SNTG1: variants seen among roughly 807,000 people sequenced by gnomAD.
The protein encoded by SNTG1 is syntrophin gamma 1.
A neutral mutation model predicts 74.7 loss-of-function variants in SNTG1; 39 were observed. The observed-to-expected ratio is 0.52, with a 90% confidence interval of 0.40 to 0.68. The LOEUF (loss-of-function observed/expected upper bound fraction) is 0.68. Among genes scored for constraint, SNTG1 ranks in the 30% least tolerant of loss-of-function variants. SNTG1 has a pLI of 0.00. For synonymous variants in SNTG1, 254 were observed against 217.1 expected, an observed-to-expected ratio of 1.17 and a Z score of -1.49; for missense variants, 685 against 609.5, an observed-to-expected ratio of 1.12 and a Z score of -1.30.
intron 3 of SNTG1, among the ~76,000 whole-genome samples, chr8:50,395,506 G>GGGTTT (rs58030144): frequency 6.6e-5 from 9 of 135,656 alleles, no homozygotes; most frequent in African/African-American, 2.2e-4. Flanking sequence ...TCTAATTTCT[G>GGGTTT]TTTTTTTTTT....
At chr8:50,394,408 T>C (rs1192254749) in intron 3 of SNTG1, 143 bp downstream of exon 3, 1 of 737,510 alleles carries the variant, frequency 1.4e-6, no homozygotes, top group African/African-American at 1.8e-5. Context: ...CAGATTACGT[T>C]CTCCTTCTGC....
At chr8:50,088,091 TC>T (rs1272386425) in intron 1 of SNTG1, among the ~76,000 whole-genome samples, 11 of 150,670 alleles carry the variant, frequency 7.3e-5, no homozygotes, top group African/African-American at 2.2e-4. Context: ...TTCATCCATG[TC>T]CCTACAAAGG....
chr8:50,577,046 A>G (rs961295455), intron 12 of SNTG1, among the ~76,000 whole-genome samples: 3 of 152,196 alleles, frequency 2.0e-5, no homozygotes, highest in Non-Finnish European at 4.4e-5. Context: ...ACATAGGAAC[A>G]TATTATCCTT....
chr8:50,526,977 G>A (rs111432879), intron 9 of SNTG1, among the ~76,000 whole-genome samples: 7,277 of 152,188 alleles, frequency 0.048, 308 homozygotes, highest in African/African-American at 0.11. Flanking sequence ...AGGTATGCAA[G>A]CACTGGTTGC....
intron 1 of SNTG1, among the ~76,000 whole-genome samples, chr8:49,955,321 G>A (rs976063591): frequency 1.3e-5 from 2 of 152,204 alleles, no homozygotes; most frequent in African/African-American, 4.8e-5. Flanking sequence ...GTAAAGTGAT[G>A]TTGTCTTCCA....
At chr8:50,264,049 T>C (rs2087328938) in intron 2 of SNTG1, among the ~76,000 whole-genome samples, 1 of 152,166 alleles carries the variant, frequency 6.6e-6, no homozygotes, top group Non-Finnish European at 1.5e-5. Context: ...CCCACACATA[T>C]ATGAAAATTA....
intron 1 of SNTG1, among the ~76,000 whole-genome samples, chr8:49,996,553 C>T (rs1814237800): frequency 6.6e-6 from 1 of 152,032 alleles, no homozygotes; most frequent in African/African-American, 2.4e-5. Context: ...GCTTAAAATA[C>T]AGAATATACT....
intron 1 of SNTG1, among the ~76,000 whole-genome samples, chr8:49,944,663 G>A (rs1809003851): frequency 6.6e-6 from 1 of 151,088 alleles, no homozygotes; most frequent in Admixed American, 6.6e-5. Context: ...CACTAGCATG[G>A]CACATGTATA....
chr8:50,181,644 A>C (rs1449475276), intron 2 of SNTG1, among the ~76,000 whole-genome samples: 1 of 152,222 alleles, frequency 6.6e-6, no homozygotes, highest in Non-Finnish European at 1.5e-5. Context: ...GATAATATTT[A>C]AGGGATTTCA....
At chr8:50,431,113 G>A (rs2093230468) in intron 4 of SNTG1, among the ~76,000 whole-genome samples, 2 of 152,188 alleles carry the variant, frequency 1.3e-5, no homozygotes, top group African/African-American at 4.8e-5. Context: ...GTCACAGACT[G>A]CATTCCTTCT....
chr8:50,779,998 A>G (rs2095653971), intron 18 of SNTG1, among the ~76,000 whole-genome samples: 1 of 152,230 alleles, frequency 6.6e-6, no homozygotes, highest in South Asian at 2.1e-4. Context: ...TATATGCTGG[A>G]TTACATTTAT....
At chr8:50,505,370 C>A (rs1390915916) in intron 9 of SNTG1, among the ~76,000 whole-genome samples, 3 of 152,124 alleles carry the variant, frequency 2.0e-5, no homozygotes, top group Non-Finnish European at 4.4e-5. Context: ...ATTCCTGGAT[C>A]ATATGTTAAT....
intron 9 of SNTG1, among the ~76,000 whole-genome samples, chr8:50,518,075 A>T (rs2094148810): frequency 6.6e-6 from 1 of 152,198 alleles, no homozygotes; most frequent in Non-Finnish European, 1.5e-5. Flanking sequence ...TCCTCTGCAA[A>T]TACAAGAGAA....
intron 1 of SNTG1, among the ~76,000 whole-genome samples, chr8:49,967,452 A>G (rs1338272471): frequency 2.0e-5 from 3 of 152,174 alleles, no homozygotes; most frequent in Non-Finnish European, 4.4e-5. Flanking sequence ...TTTGGTAGAT[A>G]CATTTGCTCA....
At chr8:50,763,319 T>C (rs2095604326) in intron 18 of SNTG1, among the ~76,000 whole-genome samples, 1 of 151,924 alleles carries the variant, frequency 6.6e-6, no homozygotes, top group African/African-American at 2.4e-5. Flanking sequence ...ACTCAGAATT[T>C]TAGAAAGGGG....
intron 18 of SNTG1, among the ~76,000 whole-genome samples, chr8:50,779,141 C>T (rs1005078829): frequency 2.0e-5 from 3 of 152,252 alleles, no homozygotes; most frequent in Non-Finnish European, 2.9e-5. Flanking sequence ...TAGTGTGATG[C>T]CTCCAGCTCT....
At chr8:50,021,786 T>C (rs1288968915) in intron 1 of SNTG1, among the ~76,000 whole-genome samples, 1 of 149,540 alleles carries the variant, frequency 6.7e-6, no homozygotes, top group Non-Finnish European at 1.5e-5. Flanking sequence ...AAATATCTTA[T>C]AAAAATTAGC....
chr8:49,935,202 A>AGTGTGTGTGTGT lies in SNTG1; in HGVS notation c.-103+22998_-103+23009dup, dbSNP rs140067006. Among the ~76,000 whole-genome samples, 75 of 133,882 alleles carry AGTGTGTGTGTGT rather than the reference A, an allele frequency of 5.6e-4. 1 individual carries two copies. The highest frequency in any genetic ancestry group is 1.8e-3 in the African/African-American group (64 of 36,328). The allele number at this position is 133,882 out of a possible 152,430, so 87.8% of individuals were successfully genotyped here. On this transcript the variant is annotated intron_variant, in intron 1 of 18. Transcript: ENST00000642720. ...TGGAATGAGACAGCAGCCAAGCAGA[A>AGTGTGTGTGTGT]GTGTGTGTGTGTGTGTGTGTGTGTG...
intron 1 of SNTG1, among the ~76,000 whole-genome samples, chr8:50,118,993 C>T (rs1228884918): frequency 1.4e-5 from 2 of 140,590 alleles, no homozygotes; most frequent in African/African-American, 2.6e-5. Flanking sequence ...GCAGGATGCA[C>T]TGGCTCACAG....
Sources: allele counts gnomAD v4.1 joint callset (sites outside exome capture counted in the v4.1 genomes callset), GRCh38; gene constraint gnomAD v4.1.1; transcripts MANE v1.5; gene names NCBI Gene and HGNC (gene_info 2026-07-23, HGNC 2026-07-21).